The following DYSF variants were observed in gnomAD, a reference collection of about 807,000 sequenced individuals.
The protein encoded by DYSF is dystrophy-associated fer-1-like 1.
A neutral mutation model predicts 274.9 loss-of-function variants in DYSF; 212 were observed. The ratio of observed to expected loss-of-function variants is 0.77; its 90% CI spans 0.69 to 0.86. The LOEUF (loss-of-function observed/expected upper bound fraction) is 0.86. Ranked by LOEUF, DYSF falls within the 40% of genes least tolerant of loss-of-function variation. The pLI is 0.00. For missense variants in DYSF, 2,666 were observed against 2,783.2 expected (o/e 0.96, Z 0.95); for synonymous variants, 1,091 against 1,078.7 (o/e 1.01, Z -0.22).
rs1458495055 is a variant in DYSF at position 71,610,546 on chromosome 2, C to T, written c.3958-699C>T. ...GATCATTGAGGATTCCTGCCCAACT[C>T]TTTCTGGCAAACTCTTAGTAGGCCA... is the stretch of plus-strand genomic sequence containing the variant. On this transcript the variant is annotated intron_variant, in intron 36 of 55. Transcript: ENST00000410020. Among the ~76,000 whole-genome samples the T allele has an allele frequency of 2.0e-5, 3 of 152,208 alleles. No individual in the cohort carries two copies. In the East Asian group the frequency reaches 5.8e-4, roughly 29 times the overall value.
chr2:71,545,712 G>C (rs1191319093), intron 17 of DYSF, among the ~76,000 whole-genome samples: 2 of 152,182 alleles, frequency 1.3e-5, no homozygotes, highest in Non-Finnish European at 2.9e-5. Flanking sequence ...TCCGACAGTT[G>C]TGTTTCATGA....
At chr2:71,606,934 A>C (rs2093658353) in intron 36 of DYSF, among the ~76,000 whole-genome samples, 1 of 151,892 alleles carries the variant, frequency 6.6e-6, no homozygotes, top group African/African-American at 2.4e-5. Flanking sequence ...CCATCCACCC[A>C]CTCTTCTGTC....
intron 1 of DYSF, among the ~76,000 whole-genome samples, chr2:71,468,241 A>G (rs1017979255): frequency 5.9e-5 from 9 of 152,178 alleles, no homozygotes. Context: ...GAAATTCCCT[A>G]AGGACACTGG....
chr2:71,470,630 A>G (rs1223100978), intron 1 of DYSF, among the ~76,000 whole-genome samples: 1 of 141,162 alleles, frequency 7.1e-6, no homozygotes, highest in East Asian at 2.2e-4. Flanking sequence ...GCCAAGATTG[A>G]GCCACTGCAC....
intron 1 of DYSF, among the ~76,000 whole-genome samples, chr2:71,458,165 G>A (rs895338648): frequency 6.6e-6 from 1 of 152,092 alleles, no homozygotes; most frequent in African/African-American, 2.4e-5. Context: ...TACCTGCTTT[G>A]GATGAATCAT....
At chr2:71,592,858 G>A (rs1417865371) in intron 32 of DYSF, among the ~76,000 whole-genome samples, 7 of 152,194 alleles carry the variant, frequency 4.6e-5, no homozygotes, top group South Asian at 2.1e-4. Context: ...CTCCCTGGTC[G>A]AATATTTGAG....
At chr2:71,675,254 T>TA (rs773195677) in intron 52 of DYSF, among the ~76,000 whole-genome samples, 6 of 152,236 alleles carry the variant, frequency 3.9e-5, no homozygotes, top group Non-Finnish European at 8.8e-5. Context: ...TCTGTGAATA[T>TA]ACTCAAAGGC....
intron 30 of DYSF, among the ~76,000 whole-genome samples, chr2:71,582,169 A>G (rs898910879): frequency 1.3e-5 from 2 of 149,442 alleles, no homozygotes; most frequent in Non-Finnish European, 3.0e-5. Context: ...TCATTCACCT[A>G]TGTAGTGCCT....
At chr2:71,578,214 G>C (rs931227005) in intron 30 of DYSF, among the ~76,000 whole-genome samples, 5 of 152,130 alleles carry the variant, frequency 3.3e-5, no homozygotes, top group African/African-American at 1.2e-4. Context: ...TGATGCTGCT[G>C]GTCCAGGGGC....
chr2:71,528,993 C>T (rs2088320108), intron 14 of DYSF, among the ~76,000 whole-genome samples: 2 of 152,124 alleles, frequency 1.3e-5, no homozygotes, highest in Non-Finnish European at 2.9e-5. Context: ...CCCTCCCAGG[C>T]TTCAGCCATC....
chr2:71,538,213 G>A (rs1322437711), intron 16 of DYSF, among the ~76,000 whole-genome samples: 1 of 152,230 alleles, frequency 6.6e-6, no homozygotes, highest in Non-Finnish European at 1.5e-5. Flanking sequence ...TCACCTGATG[G>A]TTTTAGCACA....
At position 71,561,725 on chromosome 2, in the gene DYSF, C is replaced by T. The variant is rs199914041; in HGVS notation, c.2217-27C>T. 935 of 1,613,758 alleles carry T rather than the reference C, an allele frequency of 5.8e-4. 5 individuals are homozygous for T. The highest frequency in any genetic ancestry group is 1.7e-3 in the Middle Eastern group (10 of 6,060). ...CTGGGAGAGCCCTGGGCTCATCAGG[C>T]GCATTCCATCTGTCCGTCCCTCACA... On this transcript the variant is annotated intron_variant, in intron 22 of 55. Transcript: ENST00000410020.
intron 4 of DYSF, among the ~76,000 whole-genome samples, chr2:71,505,049 G>A (rs924253341): frequency 1.3e-5 from 2 of 152,248 alleles, no homozygotes; most frequent in African/African-American, 4.8e-5. Context: ...ACCCTGCTGG[G>A]TTGAGCCCCA....
intron 30 of DYSF, among the ~76,000 whole-genome samples, chr2:71,578,361 G>A (rs1005476010): frequency 6.6e-6 from 1 of 152,176 alleles, no homozygotes; most frequent in African/African-American, 2.4e-5. Flanking sequence ...CAGGGTCCTG[G>A]AGAGGGAGGT....
rs1196026503 is a variant in DYSF at position 71,654,107 on chromosome 2, GGAT to G, written c.4627-2052_4627-2050del. On this transcript the variant is annotated intron_variant, in intron 42 of 55. Coordinates refer to ENST00000410020, the MANE Select transcript of DYSF (RefSeq NM_001130987.2). ...CAGATGGAAAATGTACAAATGACAA[GGAT>G]GAGCAGAAGAAATACAAATGGCTGA... Among the ~76,000 whole-genome samples the G allele has an allele frequency of 2.2e-4, 34 of 152,262 alleles. No homozygotes were observed. The Middle Eastern group carries it at 0.014, about 61-fold the overall frequency.
chr2:71,454,858 G>T (rs1219769914), intron 1 of DYSF, among the ~76,000 whole-genome samples: 3 of 152,096 alleles, frequency 2.0e-5, no homozygotes, highest in Non-Finnish European at 4.4e-5. Context: ...GGCCCTGGCT[G>T]CTCTCCAGGA....
At chr2:71,533,208 CAG>C (rs1573797205) in intron 14 of DYSF, among the ~76,000 whole-genome samples, 1 of 152,174 alleles carries the variant, frequency 6.6e-6, no homozygotes, top group Non-Finnish European at 1.5e-5. Context: ...TTAGTAGAGA[CAG>C]GGCTTTGCCA....
chr2:71,684,211 AGG>A (rs2095328958), intron 55 of DYSF, among the ~76,000 whole-genome samples: 1 of 152,238 alleles, frequency 6.6e-6, no homozygotes, highest in Admixed American at 6.5e-5. Flanking sequence ...CTTTAAGCCA[AGG>A]GAGACGAGAT....
rs753987509 is a variant in DYSF at position 71,516,991 on chromosome 2, G to A, written c.954G>A (p.Val318=). The A allele has an allele frequency of 6.2e-7, 1 of 1,614,018 alleles. No individual in the cohort carries two copies. The highest frequency in any genetic ancestry group is 8.5e-7 in the Non-Finnish European group (1 of 1,180,004). Residue 318 remains valine (V), a splice_region_variant and synonymous_variant, in exon 10 of 56, where the codon GTG becomes GTA. Coordinates refer to ENST00000410020, the MANE Select transcript of DYSF (RefSeq NM_001130987.2). ...GTTTCCATGATCTTTCTCTGCAGGT[G>A]GTAGACTCTCGTTCTCTCAGGACAG... The part of the protein sequence containing the change: ...ELFDEPIFIT[V]VDSRSLRTDA...
Sources: allele counts gnomAD v4.1 joint callset (sites outside exome capture counted in the v4.1 genomes callset), GRCh38; gene constraint gnomAD v4.1.1; transcripts MANE v1.5; gene names NCBI Gene and HGNC (gene_info 2026-07-23, HGNC 2026-07-21).